PDE4B: variants seen among roughly 807,000 people sequenced by gnomAD.
The protein encoded by PDE4B is phosphodiesterase 4B.
In PDE4B, 20 loss-of-function variants were observed where a neutral mutation model predicts 82.2. That is an observed-to-expected ratio of 0.24 (90% CI 0.17 to 0.35). The LOEUF is 0.35. Ranked by LOEUF, PDE4B falls within the 10% of genes least tolerant of loss-of-function variation. The probability of loss-of-function intolerance (pLI) is 1.00; values close to 1 mark genes in which losing one functional copy is unlikely to be tolerated. For missense variants in PDE4B, 655 were observed against 907.2 expected (o/e 0.72, Z 3.57); for synonymous variants, 320 against 318.9 (o/e 1.00, Z -0.04).
intron 7 of PDE4B, among the ~76,000 whole-genome samples, chr1:66,296,890 G>A (rs1657551451): frequency 6.6e-6 from 1 of 152,194 alleles, no homozygotes. Context: ...GGACCCACCT[G>A]TGAGGTGACC....
chr1:66,284,160 G>A (rs1056811665), intron 7 of PDE4B, among the ~76,000 whole-genome samples: 20 of 152,316 alleles, frequency 1.3e-4, no homozygotes, highest in Non-Finnish European at 2.4e-4. Flanking sequence ...AGGAAGGCAG[G>A]TAGTTGGGAG....
intron 7 of PDE4B, among the ~76,000 whole-genome samples, chr1:66,268,444 C>T (rs1027386651): frequency 5.9e-5 from 9 of 151,908 alleles, no homozygotes; most frequent in South Asian, 2.1e-4. Flanking sequence ...CCAAAGCGGA[C>T]GGATCACGAG....
intron 3 of PDE4B, among the ~76,000 whole-genome samples, chr1:66,062,457 G>A (rs1388600374): frequency 1.3e-5 from 2 of 151,998 alleles, no homozygotes; most frequent in Non-Finnish European, 2.9e-5. Flanking sequence ...GAGGAAATTA[G>A]GCTTTTTCTG....
intron 3 of PDE4B, among the ~76,000 whole-genome samples, chr1:66,222,336 A>G (rs1312511494): frequency 6.6e-6 from 1 of 152,202 alleles, no homozygotes; most frequent in Non-Finnish European, 1.5e-5. Flanking sequence ...TCTCTTTCTG[A>G]ACTAAGGTTG....
chr1:65,865,337 AG>A (rs143705875), intron 1 of PDE4B, among the ~76,000 whole-genome samples: 3,932 of 151,038 alleles, frequency 0.026, 143 homozygotes, highest in East Asian at 0.12. Flanking sequence ...GGACCCGCTG[AG>A]TGAGACCACT....
At chr1:66,077,957 A>T (rs1253594753) in intron 3 of PDE4B, among the ~76,000 whole-genome samples, 1 of 152,204 alleles carries the variant, frequency 6.6e-6, no homozygotes, top group Non-Finnish European at 1.5e-5. Context: ...TATTTCTCAC[A>T]ATGGTAGCCA....
intron 3 of PDE4B, among the ~76,000 whole-genome samples, chr1:65,931,422 A>T (rs917608251): frequency 6.6e-6 from 1 of 152,212 alleles, no homozygotes; most frequent in Non-Finnish European, 1.5e-5. Context: ...AATATCCTAC[A>T]GACTGGCAGA....
intron 1 of PDE4B, among the ~76,000 whole-genome samples, chr1:65,835,164 G>C (rs940218238): frequency 2.0e-5 from 3 of 152,164 alleles, no homozygotes; most frequent in African/African-American, 7.2e-5. Context: ...TGAATGGGAA[G>C]GTTTAGATGA....
Position 66,364,018 on chromosome 1 carries a change from G to C in PDE4B, c.1284+447G>C, listed in dbSNP as rs77018490. Reference sequence around the variant, plus strand: ...CTGTAAAGCAATTAACAGAATTTCAGGGCAGGAATCATGTCTTATTCTTCA... The same window carrying C: ...CTGTAAAGCAATTAACAGAATTTCACGGCAGGAATCATGTCTTATTCTTCA... On this transcript the variant is annotated intron_variant, in intron 12 of 16. Transcript: ENST00000341517. 7.0e-4 allele frequency among the ~76,000 whole-genome samples: 107 copies of C among 152,176 alleles called. 1 individual carries two copies. In the East Asian group the frequency reaches 0.017, roughly 24 times the overall value.
At chr1:66,169,440 AT>A (rs754948557) in intron 3 of PDE4B, among the ~76,000 whole-genome samples, 3 of 152,162 alleles carry the variant, frequency 2.0e-5, no homozygotes, top group South Asian at 2.1e-4. Context: ...TAACATAGAT[AT>A]TTTCTTTGCT....
chr1:65,862,468 T>G (rs1646464886), intron 1 of PDE4B, among the ~76,000 whole-genome samples: 1 of 152,218 alleles, frequency 6.6e-6, no homozygotes. Context: ...TTATTGAGGA[T>G]TTTTGCATCA....
chr1:66,090,621 A>ATATATATATATATATATATATATG lies in PDE4B; in HGVS notation c.282-156838_282-156837insATATATATATATATATATATATGT. ...TTATATATATATATGTATATAATAT[A>ATATATATATATATATATATATATG]TGTGTGTGTGTGTGTGTGTATGTAC... On this transcript the variant is annotated intron_variant, in intron 3 of 16. Coordinates refer to ENST00000341517, the MANE Select transcript of PDE4B (RefSeq NM_002600.4). Among the ~76,000 whole-genome samples, 34 of 122,706 alleles carry ATATATATATATATATATATATATG rather than the reference A, an allele frequency of 2.8e-4. 1 individual carries two copies. The highest frequency in any genetic ancestry group is 1.4e-3 in the African/African-American group (34 of 24,356). The allele number at this position is 122,706 out of a possible 152,430, so 80.5% of individuals were successfully genotyped here.
chr1:66,037,230 T>C (rs757600663), intron 3 of PDE4B, among the ~76,000 whole-genome samples: 4 of 152,058 alleles, frequency 2.6e-5, no homozygotes, highest in Non-Finnish European at 4.4e-5. Flanking sequence ...CTTTGGGTAA[T>C]ATGGACCTTT....
intron 1 of PDE4B, among the ~76,000 whole-genome samples, chr1:65,903,728 C>G (rs1445503124): frequency 6.6e-6 from 1 of 151,966 alleles, no homozygotes; most frequent in Non-Finnish European, 1.5e-5. Flanking sequence ...CTAGTATTAC[C>G]ACATGAGTTT....
chr1:66,082,206 T>G (rs1656778671), intron 3 of PDE4B, among the ~76,000 whole-genome samples: 1 of 152,092 alleles, frequency 6.6e-6, no homozygotes, highest in African/African-American at 2.4e-5. Flanking sequence ...TCTTTTACTA[T>G]TGACTTTTAT....
chr1:66,201,533 G>T (rs190802638), intron 3 of PDE4B, among the ~76,000 whole-genome samples: 16 of 151,610 alleles, frequency 1.1e-4, no homozygotes, highest in African/African-American at 3.4e-4. Flanking sequence ...CCCTGTTATT[G>T]GTCTATTCAA....
At chr1:66,149,180 G>A (rs536697103) in intron 3 of PDE4B, among the ~76,000 whole-genome samples, 4 of 152,302 alleles carry the variant, frequency 2.6e-5, no homozygotes, top group South Asian at 2.1e-4. Context: ...GTGAGTGTTA[G>A]TGGTATACAA....
intron 7 of PDE4B, among the ~76,000 whole-genome samples, chr1:66,310,787 G>A (rs1435725572): frequency 6.6e-6 from 1 of 152,100 alleles, no homozygotes; most frequent in South Asian, 2.1e-4. Flanking sequence ...GAGAGAATGA[G>A]GTTCCTGGCT....
chr1:66,117,828 A>G (rs554693553), intron 3 of PDE4B, among the ~76,000 whole-genome samples: 4 of 152,336 alleles, frequency 2.6e-5, no homozygotes, highest in African/African-American at 9.6e-5. Flanking sequence ...ATGGATATGT[A>G]CAGATAAGAT....
Sources: allele counts gnomAD v4.1 joint callset (sites outside exome capture counted in the v4.1 genomes callset), GRCh38; gene constraint gnomAD v4.1.1; transcripts MANE v1.5; gene names NCBI Gene and HGNC (gene_info 2026-07-23, HGNC 2026-07-21).